ATRNL1: variants seen among roughly 807,000 people sequenced by gnomAD.
The protein encoded by ATRNL1 is attractin-like protein 1.
Under a neutral mutation model 182.7 loss-of-function variants are expected in ATRNL1, and 95 were observed. That is an observed-to-expected ratio of 0.52 (90% CI 0.44 to 0.62). The LOEUF is 0.62. Among genes scored for constraint, ATRNL1 ranks in the 20% least tolerant of loss-of-function variants. The pLI is 0.00. For missense variants in ATRNL1, 1,471 were observed against 1,679.5 expected (o/e 0.88, Z 2.17); for synonymous variants, 576 against 568.3 (o/e 1.01, Z -0.19).
At chr10:115,757,317 T>C (rs1948616359) in intron 27 of ATRNL1, among the ~76,000 whole-genome samples, 1 of 152,204 alleles carries the variant, frequency 6.6e-6, no homozygotes, top group Non-Finnish European at 1.5e-5. Context: ...TTTCCATGTG[T>C]AGTACTTCCT....
chr10:115,103,709 C>T (rs1402821200), intron 1 of ATRNL1, among the ~76,000 whole-genome samples: 3 of 152,134 alleles, frequency 2.0e-5, no homozygotes, highest in African/African-American at 7.2e-5. Context: ...CTTTCCCAGC[C>T]TCAGGTAACC....
chr10:115,288,890 T>C (rs782510916), intron 15 of ATRNL1, among the ~76,000 whole-genome samples: 1 of 145,282 alleles, frequency 6.9e-6, no homozygotes, highest in African/African-American at 2.4e-5. Flanking sequence ...TGTGGTTCTT[T>C]TGCTGTTGAA....
intron 27 of ATRNL1, chr10:115,820,296 G>A (rs1273158036): frequency 6.6e-6 from 1 of 152,066 alleles, no homozygotes; most frequent in Non-Finnish European, 1.5e-5. Context: ...CTACTGATTA[G>A]TAAGTTTCTG....
chr10:115,117,095 T>C (rs1844520810), intron 1 of ATRNL1, among the ~76,000 whole-genome samples: 1 of 152,030 alleles, frequency 6.6e-6, no homozygotes, highest in Admixed American at 6.6e-5. Flanking sequence ...AGAGTAGGTG[T>C]ATATGTTTAT....
chr10:115,171,807 A>G (rs918731438), intron 8 of ATRNL1, among the ~76,000 whole-genome samples: 4 of 152,018 alleles, frequency 2.6e-5, no homozygotes, highest in Non-Finnish European at 5.9e-5. Flanking sequence ...GGCAATCTAC[A>G]TGTGAGTTTT....
intron 27 of ATRNL1, among the ~76,000 whole-genome samples, chr10:115,803,712 T>C (rs944734349): frequency 1.3e-5 from 2 of 152,154 alleles, no homozygotes; most frequent in Non-Finnish European, 1.5e-5. Context: ...CATTTTTCCA[T>C]GTTTTTTTCT....
At chr10:115,277,026 A>G (rs1214930124) in intron 13 of ATRNL1, among the ~76,000 whole-genome samples, 3 of 152,008 alleles carry the variant, frequency 2.0e-5, no homozygotes, top group African/African-American at 4.8e-5. Flanking sequence ...TGTCATTTTT[A>G]TAGGTTATTT....
intron 18 of ATRNL1, among the ~76,000 whole-genome samples, chr10:115,326,459 C>T (rs1854887285): frequency 6.6e-6 from 1 of 152,142 alleles, no homozygotes; most frequent in Non-Finnish European, 1.5e-5. Context: ...GAAGAACATT[C>T]CATGCTCATG....
intron 22 of ATRNL1, among the ~76,000 whole-genome samples, chr10:115,464,487 A>G (rs1347776494): frequency 6.6e-6 from 1 of 151,972 alleles, no homozygotes; most frequent in African/African-American, 2.4e-5. Flanking sequence ...TTTATCACTT[A>G]CTGGAATAAC....
chr10:115,372,319 T>A (rs1263311403), intron 19 of ATRNL1, among the ~76,000 whole-genome samples: 3 of 152,208 alleles, frequency 2.0e-5, no homozygotes, highest in East Asian at 1.9e-4. Flanking sequence ...CCTAAGCGTA[T>A]CTTCACTGTG....
rs1346746542 is a variant in ATRNL1, at chr10:115,506,574, C to T, written c.3655-12689C>T. On this transcript the variant is annotated intron_variant, in intron 24 of 28. Coordinates refer to ENST00000355044, the MANE Select transcript of ATRNL1 (RefSeq NM_207303.4). ...TCATCTTCCCTGCTGCAAATGAGCT[C>T]AAACTCCATAAAGGAGTTATCTGCC... 2.6e-5 allele frequency among the ~76,000 whole-genome samples: 4 copies of T among 152,070 alleles called. 1 individual carries two copies. The highest frequency in any genetic ancestry group is 9.7e-5 in the African/African-American group (4 of 41,426).
At chr10:115,565,352 TAAAA>T (rs1184916904) in intron 26 of ATRNL1, among the ~76,000 whole-genome samples, 5 of 151,964 alleles carry the variant, frequency 3.3e-5, no homozygotes, top group South Asian at 4.1e-4. Flanking sequence ...TGTAAAATAA[TAAAA>T]AAAGGCTTCT....
chr10:115,582,273 C>A (rs1467574925), intron 26 of ATRNL1, among the ~76,000 whole-genome samples: 2 of 149,306 alleles, frequency 1.3e-5, no homozygotes, highest in African/African-American at 4.9e-5. Context: ...AATGGGATGA[C>A]TGGGTCAAAT....
At chr10:115,837,232 G>A (rs1471500698) in intron 27 of ATRNL1, among the ~76,000 whole-genome samples, 2 of 151,872 alleles carry the variant, frequency 1.3e-5, no homozygotes, top group African/African-American at 4.8e-5. Flanking sequence ...ATTTAGTTTG[G>A]CCACATAAGG....
intron 21 of ATRNL1, among the ~76,000 whole-genome samples, chr10:115,448,854 C>T (rs534714281): frequency 6.7e-6 from 1 of 150,104 alleles, no homozygotes; most frequent in East Asian, 2.0e-4. Flanking sequence ...AGCGTGCCAA[C>T]CAACAACAAC....
intron 15 of ATRNL1, among the ~76,000 whole-genome samples, chr10:115,289,977 G>A (rs1852813864): frequency 6.6e-6 from 1 of 151,858 alleles, no homozygotes; most frequent in Non-Finnish European, 1.5e-5. Context: ...TGAGTAGCAT[G>A]GTTGTTTTAA....
At position 115,300,056 on chromosome 10, in the gene ATRNL1, T is replaced by C; in HGVS notation, c.2438T>C (p.Leu813Ser). ...TQQKVSPWVG[L>S]RKINISYWGW... The stretch of plus-strand genomic sequence containing the variant: ...CAGAAAGTATCACCTTGGGTAGGCT[T>C]GCGCAAGATCAATATATCCTATTGG... The change falls in exon 16 of 29, where the codon TTG becomes TCG. Residue 813 changes from leucine (L) to serine (S), a missense_variant. This residue lies in a region of ATRNL1 where 1,031 missense variants were observed against 1,156.0 expected (regional missense o/e 0.89). Transcript: ENST00000355044. The C allele has an allele frequency of 6.2e-7, 1 of 1,613,042 alleles. No homozygotes were observed. Among genetic ancestry groups the C allele is most frequent in the Non-Finnish European group, 8.5e-7 (1 of 1,179,290 alleles).
intron 28 of ATRNL1, among the ~76,000 whole-genome samples, chr10:115,881,270 C>T (rs1951821133): frequency 6.6e-6 from 1 of 152,200 alleles, no homozygotes; most frequent in Non-Finnish European, 1.5e-5. Context: ...AAATGCTGTC[C>T]TGCTCCAGAG....
At chr10:115,356,609 T>A (rs1856514568) in intron 19 of ATRNL1, among the ~76,000 whole-genome samples, 1 of 151,984 alleles carries the variant, frequency 6.6e-6, no homozygotes, top group South Asian at 2.1e-4. Flanking sequence ...TAGATGCTTT[T>A]AAAAAGAACT....
Sources: allele counts gnomAD v4.1 joint callset (sites outside exome capture counted in the v4.1 genomes callset), GRCh38; gene constraint gnomAD v4.1.1; regional missense constraint gnomAD v4.1.1; transcripts MANE v1.5; gene names NCBI Gene and HGNC (gene_info 2026-07-23, HGNC 2026-07-21).